GRIA3: variants seen among roughly 807,000 people sequenced by gnomAD.
GRIA3 encodes glutamate ionotropic receptor AMPA type subunit 3.
GRIA3 carries 3 observed loss-of-function variants against 63.0 expected under a neutral mutation model. The ratio of observed to expected loss-of-function variants is 0.05; its 90% CI spans 0.02 to 0.12. GRIA3 has a LOEUF of 0.12. Ranked by LOEUF, GRIA3 falls within the 10% of genes least tolerant of loss-of-function variation. GRIA3 has a pLI of 1.00. For missense variants in GRIA3, 347 were observed against 700.9 expected (o/e 0.50, Z 5.70); for synonymous variants, 274 against 257.9 (o/e 1.06, Z -0.60).
intron 2 of GRIA3, among the ~76,000 whole-genome samples, chrX:123,197,860 T>C (rs145427441): frequency 8.2e-4 from 92 of 112,314 alleles, no homozygotes; most frequent in African/African-American, 2.8e-3. Flanking sequence ...AAAGTGGTGA[T>C]AGTAATAGTT....
intron 2 of GRIA3, among the ~76,000 whole-genome samples, chrX:123,194,323 T>C (rs1927518052): frequency 9.0e-6 from 1 of 111,465 alleles, no homozygotes; most frequent in Non-Finnish European, 1.9e-5. Flanking sequence ...CAATTACTCA[T>C]TGCAACCAGG....
chrX:123,488,522 G>C (rs1231071965), intron 15 of GRIA3, among the ~76,000 whole-genome samples, 191 bp from the exon 16 acceptor site: 1 of 111,855 alleles, frequency 8.9e-6, no homozygotes, highest in Admixed American at 9.5e-5. Context: ...ATATTCCTTA[G>C]TACAATACAT....
intron 3 of GRIA3, among the ~76,000 whole-genome samples, chrX:123,319,630 A>C (rs1369949686): frequency 9.0e-6 from 1 of 111,540 alleles, no homozygotes; most frequent in African/African-American, 3.3e-5. Context: ...TTTGCTTCCC[A>C]CATACTGTAC....
chrX:123,203,318 A>C (rs746509642), intron 2 of GRIA3, among the ~76,000 whole-genome samples: 1 of 111,813 alleles, frequency 8.9e-6, no homozygotes, highest in Admixed American at 9.5e-5. Context: ...GAAGAAAAAA[A>C]CCCTAGTATC....
intron 3 of GRIA3, among the ~76,000 whole-genome samples, chrX:123,268,077 T>G (rs764038611): frequency 8.9e-6 from 1 of 111,803 alleles, no homozygotes; most frequent in South Asian, 3.7e-4. Context: ...GACTATAATG[T>G]CTGACGGACA....
chrX:123,216,432 G>T (rs1928160522), intron 2 of GRIA3, among the ~76,000 whole-genome samples: 2 of 111,379 alleles, frequency 1.8e-5, no homozygotes, highest in Admixed American at 1.9e-4. Context: ...CTCCCAACTG[G>T]GTCTTCAGCT....
At position 123,271,865 on chromosome X, in the gene GRIA3, T is replaced by G. The variant is rs773093225; in HGVS notation, c.508+18323T>G. ...TCCTAACTCCCAGTGAAAGTGTTCT[T>G]CCTGTCACTCCATACTGACAGCCAC... On this transcript the variant is annotated intron_variant, in intron 3 of 15. Transcript: ENST00000620443. 4.5e-5 allele frequency among the ~76,000 whole-genome samples: 5 copies of G among 112,076 alleles called. No homozygotes were observed. In the South Asian group the frequency reaches 1.9e-3, roughly 42 times the overall value.
intron 11 of GRIA3, among the ~76,000 whole-genome samples, chrX:123,421,904 C>T (rs2045565973): frequency 8.9e-6 from 1 of 112,250 alleles, no homozygotes; most frequent in South Asian, 3.7e-4. Flanking sequence ...AATTCCAAAA[C>T]ATGCTCTTTC....
chrX:123,242,399 T>C (rs987829097), intron 2 of GRIA3, among the ~76,000 whole-genome samples: 5 of 112,028 alleles, frequency 4.5e-5, no homozygotes, highest in African/African-American at 1.6e-4. Context: ...AAAGACATCA[T>C]AAGAGTTCAT....
chrX:123,387,454 G>A (rs1273574906), intron 5 of GRIA3, among the ~76,000 whole-genome samples: 2 of 111,200 alleles, frequency 1.8e-5, no homozygotes, highest in South Asian at 3.9e-4. Context: ...CTCTGGGTAC[G>A]ACTTCCAGTA....
intron 5 of GRIA3, among the ~76,000 whole-genome samples, chrX:123,387,477 G>A (rs1367463205): frequency 1.8e-5 from 2 of 111,360 alleles, no homozygotes; most frequent in Non-Finnish European, 3.8e-5. Context: ...ACATTGAATA[G>A]GAGTGATGAA....
At chrX:123,408,842 A>G (rs1219018891) in intron 10 of GRIA3, among the ~76,000 whole-genome samples, 3 of 112,104 alleles carry the variant, frequency 2.7e-5, no homozygotes, top group African/African-American at 9.7e-5. Flanking sequence ...GCCAAATTCC[A>G]TTTTCCTCTA....
chrX:123,261,243 A>T (rs1390327153), intron 3 of GRIA3, among the ~76,000 whole-genome samples: 1 of 111,450 alleles, frequency 9.0e-6, no homozygotes, highest in Non-Finnish European at 1.9e-5. Context: ...TCGGTAGCTT[A>T]ACATATTTTT....
chrX:123,457,341 T>A (rs1326461995), intron 12 of GRIA3, among the ~76,000 whole-genome samples: 1 of 111,505 alleles, frequency 9.0e-6, no homozygotes, highest in African/African-American at 3.3e-5. Context: ...ACAAGTTATA[T>A]CTCTGAGGGA....
intron 13 of GRIA3, among the ~76,000 whole-genome samples, chrX:123,465,425 A>G (rs2045829154): frequency 8.9e-6 from 1 of 111,818 alleles, no homozygotes; most frequent in Non-Finnish European, 1.9e-5. Context: ...TGTTAATTGC[A>G]TGGATGTGGT....
At chrX:123,244,595 A>T (rs1445149665) in intron 2 of GRIA3, among the ~76,000 whole-genome samples, 3 of 112,483 alleles carry the variant, frequency 2.7e-5, no homozygotes, top group Non-Finnish European at 1.9e-5. Flanking sequence ...TGTAAGGAGG[A>T]ATTCATAAGG....
intron 15 of GRIA3, among the ~76,000 whole-genome samples, chrX:123,483,570 T>C (rs2147447727): frequency 8.9e-6 from 1 of 112,338 alleles, no homozygotes; most frequent in South Asian, 3.7e-4. Flanking sequence ...TGTTCAGTAG[T>C]CACACATGGC....
intron 12 of GRIA3, among the ~76,000 whole-genome samples, chrX:123,433,006 G>A (rs906426301): frequency 9.0e-6 from 1 of 111,606 alleles, no homozygotes; most frequent in African/African-American, 3.3e-5. Context: ...ACCACACCCA[G>A]AAACCTTGCA....
intron 12 of GRIA3, among the ~76,000 whole-genome samples, chrX:123,433,715 A>T (rs992866115): frequency 1.8e-5 from 2 of 111,840 alleles, no homozygotes; most frequent in Non-Finnish European, 3.8e-5. Flanking sequence ...AGGAGTAGAG[A>T]GAGTGGTGAC....
Sources: gnomAD v4.1 joint callset for allele counts (sites outside exome capture counted in the v4.1 genomes callset) on GRCh38, gnomAD v4.1.1 for gene constraint, MANE v1.5 for transcripts, NCBI Gene and HGNC (gene_info 2026-07-23, HGNC 2026-07-21) for gene names.